LDB2: variants seen among roughly 807,000 people sequenced by gnomAD.
The protein encoded by LDB2 is LIM domain-binding protein 2.
A neutral mutation model predicts 44.3 loss-of-function variants in LDB2; 12 were observed. The ratio of observed to expected loss-of-function variants is 0.27; its 90% CI spans 0.17 to 0.44. The LOEUF is 0.44. Ranked by LOEUF, LDB2 falls within the 20% of genes least tolerant of loss-of-function variation. LDB2 has a pLI of 1.00. For synonymous variants in LDB2, 164 were observed against 174.8 expected, an observed-to-expected ratio of 0.94 and a Z score of 0.49; for missense variants, 344 against 473.5, an observed-to-expected ratio of 0.73 and a Z score of 2.54.
intron 2 of LDB2, among the ~76,000 whole-genome samples, chr4:16,676,693 C>T (rs541285868): frequency 2.6e-5 from 4 of 152,296 alleles, no homozygotes; most frequent in African/African-American, 4.8e-5. Flanking sequence ...GAATGAGACA[C>T]GTTTCAAGGG....
chr4:16,890,539 TG>T (rs1271472213), intron 1 of LDB2, among the ~76,000 whole-genome samples: 1 of 152,080 alleles, frequency 6.6e-6, no homozygotes, highest in East Asian at 1.9e-4. Context: ...GTGGTACTAA[TG>T]TGAGAGAAGG....
intron 5 of LDB2, among the ~76,000 whole-genome samples, chr4:16,583,773 G>C (rs1715672043): frequency 6.6e-6 from 1 of 152,148 alleles, no homozygotes; most frequent in African/African-American, 2.4e-5. Flanking sequence ...TGACTAGGAG[G>C]CATGGCTTCT....
intron 2 of LDB2, among the ~76,000 whole-genome samples, chr4:16,639,941 T>C (rs1315035711): frequency 1.3e-5 from 2 of 152,238 alleles, no homozygotes; most frequent in Non-Finnish European, 2.9e-5. Context: ...AGATGACAAA[T>C]AGCATATGTT....
chr4:16,835,637 T>G lies in LDB2; in HGVS notation c.132+62717A>C, dbSNP rs561913683. Reference sequence around the variant, plus strand: ...AATTAAATTCGAATTGCTAGGTCATTGGGATAGGTGTAAGTTTTACTTTAC... The same window carrying G: ...AATTAAATTCGAATTGCTAGGTCATGGGGATAGGTGTAAGTTTTACTTTAC... On this transcript the variant is annotated intron_variant, in intron 1 of 7. Transcript: ENST00000304523. Among the ~76,000 whole-genome samples the G allele has an allele frequency of 3.3e-5, 5 of 152,342 alleles. No individual in the cohort carries two copies. In the South Asian group the frequency reaches 1.0e-3, roughly 32 times the overall value.
At chr4:16,818,852 A>C (rs2109942715) in intron 1 of LDB2, among the ~76,000 whole-genome samples, 1 of 152,314 alleles carries the variant, frequency 6.6e-6, no homozygotes, top group African/African-American at 2.4e-5. Context: ...CAATTTCAAG[A>C]CAGGGTTACT....
chr4:16,795,402 C>T (rs1470891044), intron 1 of LDB2, among the ~76,000 whole-genome samples: 1 of 152,172 alleles, frequency 6.6e-6, no homozygotes, highest in Non-Finnish European at 1.5e-5. Flanking sequence ...TGCAAGGTTG[C>T]ATCTGAGCAA....
At chr4:16,583,427 T>A (rs1215076220) in intron 5 of LDB2, among the ~76,000 whole-genome samples, 1 of 152,198 alleles carries the variant, frequency 6.6e-6, no homozygotes, top group African/African-American at 2.4e-5. Context: ...AGCTTCTTGT[T>A]ACCTTATTTG....
chr4:16,545,316 G>A lies in LDB2; in HGVS notation c.616-33212C>T, dbSNP rs1212924107. Among the ~76,000 whole-genome samples the A allele has an allele frequency of 3.3e-5, 5 of 152,190 alleles. No homozygotes were observed. In the South Asian group the frequency reaches 8.3e-4, roughly 25 times the overall value. On this transcript the variant is annotated intron_variant, in intron 5 of 7. Coordinates refer to ENST00000304523, the MANE Select transcript of LDB2 (RefSeq NM_001290.5). ...CTCTTCACAGAATGAAGGGCCTTGG[G>A]TTTCCTCCTGATACCCCACGATGCA...
chr4:16,842,841 C>A (rs1786144098), intron 1 of LDB2, among the ~76,000 whole-genome samples: 1 of 152,172 alleles, frequency 6.6e-6, no homozygotes, highest in Non-Finnish European at 1.5e-5. Context: ...AATTCTACAA[C>A]CCTCATTGCC....
chr4:16,767,686 G>T (rs1031262742), intron 1 of LDB2, among the ~76,000 whole-genome samples: 1 of 152,208 alleles, frequency 6.6e-6, no homozygotes. Context: ...AATTAACTCA[G>T]CCTGAACACA....
intron 2 of LDB2, among the ~76,000 whole-genome samples, chr4:16,717,058 A>G (rs1310014880): frequency 6.6e-6 from 1 of 151,940 alleles, no homozygotes; most frequent in Admixed American, 6.6e-5. Flanking sequence ...TCAGTTATTC[A>G]AAGTAATAGA....
intron 5 of LDB2, among the ~76,000 whole-genome samples, chr4:16,582,000 G>GGGAAGGAAGGAAGGAAGGAA (rs35585551): frequency 2.9e-5 from 3 of 103,902 alleles, no homozygotes; most frequent in African/African-American, 6.9e-5. Context: ...AGGGAAGGAA[G>GGGAAGGAAGGAAGGAAGGAA]GGAAGGAAGG....
intron 2 of LDB2, among the ~76,000 whole-genome samples, chr4:16,635,015 A>C (rs1306043133): frequency 1.3e-5 from 2 of 152,166 alleles, no homozygotes; most frequent in Non-Finnish European, 2.9e-5. Flanking sequence ...GCTGGAAACC[A>C]TCATTCTCAG....
intron 1 of LDB2, among the ~76,000 whole-genome samples, chr4:16,897,501 C>T (rs1202117543): frequency 1.3e-5 from 2 of 152,080 alleles, no homozygotes; most frequent in Non-Finnish European, 2.9e-5. Flanking sequence ...TTGCAGGAGG[C>T]GAGTCTGGAG....
intron 2 of LDB2, among the ~76,000 whole-genome samples, chr4:16,644,137 G>T (rs113820631): frequency 2.4e-4 from 37 of 152,302 alleles, no homozygotes; most frequent in Admixed American, 1.5e-3. Flanking sequence ...TGGTACTCCC[G>T]TTTGAAGAAG....
intron 2 of LDB2, among the ~76,000 whole-genome samples, chr4:16,686,564 C>A (rs573582108): frequency 6.6e-6 from 1 of 152,314 alleles, no homozygotes; most frequent in South Asian, 2.1e-4. Flanking sequence ...TGAAAACAAC[C>A]TTCCCTTCAA....
At chr4:16,692,416 CT>C (rs1750999509) in intron 2 of LDB2, among the ~76,000 whole-genome samples, 1 of 152,140 alleles carries the variant, frequency 6.6e-6, no homozygotes, top group African/African-American at 2.4e-5. Flanking sequence ...TGTATCTAGT[CT>C]AAAATCTGCC....
At chr4:16,633,411 G>A (rs868546120) in intron 2 of LDB2, among the ~76,000 whole-genome samples, 3 of 151,878 alleles carry the variant, frequency 2.0e-5, no homozygotes, top group Non-Finnish European at 4.4e-5. Flanking sequence ...CATTGTGCAC[G>A]TGTACCCTAG....
intron 2 of LDB2, among the ~76,000 whole-genome samples, chr4:16,684,546 T>C (rs1489061116): frequency 6.6e-6 from 1 of 152,234 alleles, no homozygotes; most frequent in Non-Finnish European, 1.5e-5. Context: ...ACAGAGTATA[T>C]TTCTTGTTTT....
Sources: gnomAD v4.1 joint callset for allele counts (sites outside exome capture counted in the v4.1 genomes callset) on GRCh38, gnomAD v4.1.1 for gene constraint, MANE v1.5 for transcripts, NCBI Gene and HGNC (gene_info 2026-07-23, HGNC 2026-07-21) for gene names.